Variants in MRAP2 observed in about 807,000 individuals in gnomAD.
MRAP2 encodes melanocortin-2 receptor accessory protein 2.
MRAP2 carries 20 observed loss-of-function variants against 17.4 expected under a neutral mutation model. The ratio of observed to expected loss-of-function variants is 1.15; its 90% CI spans 0.81 to 1.67. MRAP2 has a LOEUF of 1.67. MRAP2 is among the 40% of genes most tolerant of loss of function. MRAP2 has a pLI of 0.00. For missense variants in MRAP2, 238 were observed against 240.0 expected (o/e 0.99, Z 0.05); for synonymous variants, 96 against 88.4 (o/e 1.09, Z -0.48).
At chr6:84,092,516 T>C (rs532776269), downstream of MRAP2, among the ~76,000 whole-genome samples, 1 of 152,290 alleles carries the variant, frequency 6.6e-6, no homozygotes, top group Non-Finnish European at 1.5e-5. Flanking sequence ...AGATCCTGGG[T>C]ATGATTCATC....
At chr6:84,086,850 C>G (rs2497136) in intron 3 of MRAP2, among the ~76,000 whole-genome samples, 14,654 of 152,214 alleles carry the variant, frequency 0.096, 1,060 homozygotes, top group African/African-American at 0.2. Flanking sequence ...GACTAATGGA[C>G]TTTAATTCCA....
intron 1 of MRAP2, among the ~76,000 whole-genome samples, chr6:84,034,326 G>C (rs1046171749): frequency 2.0e-5 from 3 of 152,116 alleles, no homozygotes; most frequent in Admixed American, 6.5e-5. Context: ...CTGGCTCCTG[G>C]CCCCGGGCGC....
intron 1 of MRAP2, among the ~76,000 whole-genome samples, chr6:84,049,981 C>CGT (rs566111982): frequency 2.4e-4 from 32 of 134,368 alleles, no homozygotes; most frequent in African/African-American, 2.3e-4. Context: ...TGCGTGCATT[C>CGT]ATGTGTGTGT....
the MRAP2 span, among the ~76,000 whole-genome samples, chr6:84,119,861 A>G: frequency 6.6e-6 from 1 of 152,162 alleles, no homozygotes; most frequent in Non-Finnish European, 1.5e-5. Flanking sequence ...GAAACCCCAA[A>G]ACCAATTAAA....
the MRAP2 span, among the ~76,000 whole-genome samples, chr6:84,142,795 T>C: frequency 6.6e-6 from 1 of 152,116 alleles, no homozygotes. Context: ...AAGTACAGTA[T>C]CCATTATTCC....
chr6:84,102,975 A>G, the MRAP2 span, among the ~76,000 whole-genome samples: 1 of 152,238 alleles, frequency 6.6e-6, no homozygotes, highest in East Asian at 1.9e-4. Context: ...ACAGAGCTTC[A>G]GTAATGGTGG....
At chr6:84,081,571 C>T (rs1361081969) in intron 3 of MRAP2, among the ~76,000 whole-genome samples, 3 of 152,142 alleles carry the variant, frequency 2.0e-5, no homozygotes, top group Non-Finnish European at 4.4e-5. Context: ...ATAATCCCAG[C>T]AGTTTGGGAG....
upstream of MRAP2, chr6:84,033,630 T>G: frequency 2.1e-6 from 2 of 965,986 alleles, no homozygotes; most frequent in Non-Finnish European, 2.5e-6. Flanking sequence ...CACCTCCTCT[T>G]GGCCAAGGCG....
the MRAP2 span, among the ~76,000 whole-genome samples, chr6:84,116,546 A>G: frequency 1.3e-5 from 2 of 152,182 alleles, no homozygotes; most frequent in Non-Finnish European, 2.9e-5. Context: ...GTGAGAACAG[A>G]CTAATACACT....
the MRAP2 span, among the ~76,000 whole-genome samples, chr6:84,117,403 A>T: frequency 1.3e-5 from 2 of 151,860 alleles, no homozygotes; most frequent in Non-Finnish European, 2.9e-5. Flanking sequence ...GTTAGGGAGG[A>T]GTATCTCCTT....
intron 1 of MRAP2, among the ~76,000 whole-genome samples, chr6:84,042,744 T>G (rs1292891892): frequency 2.6e-5 from 4 of 152,236 alleles, no homozygotes; most frequent in Admixed American, 1.3e-4. Context: ...GTCCTGAGGT[T>G]GCAGTGGGTG....
At chr6:84,037,096 C>A (rs1345906005) in intron 1 of MRAP2, among the ~76,000 whole-genome samples, 2 of 151,766 alleles carry the variant, frequency 1.3e-5, no homozygotes, top group Non-Finnish European at 2.9e-5. Context: ...CATAAAAGTT[C>A]TCTAAGTCCC....
Position 84,075,738 on chromosome 6 carries a change from G to A in MRAP2, c.227+12746G>A, listed in dbSNP as rs141677569. On this transcript the variant is annotated intron_variant, in intron 3 of 3. Coordinates refer to ENST00000257776, the MANE Select transcript of MRAP2 (RefSeq NM_138409.4). ...GCCTTTGTTAAGTACATCTCATCCA[G>A]GTGGGGCTGTTCTTCACTTAGGGGC... is the stretch of plus-strand genomic sequence containing the variant. 4.6e-3 allele frequency among the ~76,000 whole-genome samples: 694 copies of A among 152,280 alleles called. 9 individuals are homozygous for A. The highest frequency in any genetic ancestry group is 0.016 in the African/African-American group (661 of 41,552).
At chr6:84,062,130 T>C in intron 2 of MRAP2, 1 of 985,402 alleles carries the variant, frequency 1.0e-6, no homozygotes, top group African/African-American at 1.7e-5. Flanking sequence ...AAACTAAAAT[T>C]TGGCCCAAGA....
the MRAP2 span, among the ~76,000 whole-genome samples, chr6:84,112,600 C>T: frequency 6.6e-6 from 1 of 151,984 alleles, no homozygotes; most frequent in African/African-American, 2.4e-5. Flanking sequence ...ATGTCTCTGT[C>T]TTCTTCAGTT....
chr6:84,072,328 A>G (rs937580247), intron 3 of MRAP2, among the ~76,000 whole-genome samples: 10 of 152,086 alleles, frequency 6.6e-5, no homozygotes, highest in African/African-American at 2.4e-4. Context: ...GCTGAACTGC[A>G]GTGATTGTTG....
At chr6:84,064,540 T>C (rs535777894) in intron 3 of MRAP2, among the ~76,000 whole-genome samples, 23 of 152,226 alleles carry the variant, frequency 1.5e-4, no homozygotes, top group Admixed American at 6.5e-4. Flanking sequence ...CAGGCTGGAG[T>C]GCAGTGGCGC....
the MRAP2 span, among the ~76,000 whole-genome samples, chr6:84,141,221 T>G: frequency 7.7e-3 from 1,172 of 151,482 alleles, 10 homozygotes; most frequent in Non-Finnish European, 0.013. Flanking sequence ...TGGGTATACC[T>G]TTAAAGATTT....
the MRAP2 span, chr6:84,125,281 A>G: frequency 1.2e-6 from 2 of 1,611,708 alleles, no homozygotes; most frequent in Non-Finnish European, 1.7e-6. Context: ...TATTATCTGC[A>G]AATACAAAAA....
Sources: gnomAD v4.1 joint callset for allele counts (sites outside exome capture counted in the v4.1 genomes callset) on GRCh38, gnomAD v4.1.1 for gene constraint, MANE v1.5 for transcripts, NCBI Gene and HGNC (gene_info 2026-07-23, HGNC 2026-07-21) for gene names.